Variants in TRPC6 observed in about 807,000 individuals in gnomAD.
TRPC6 encodes the protein transient receptor potential cation channel subfamily C member 6, also known as short transient receptor potential channel 6.
In TRPC6, 55 loss-of-function variants were observed where a neutral mutation model predicts 90.7. The ratio of observed to expected loss-of-function variants is 0.61; its 90% CI spans 0.49 to 0.76. TRPC6 has a LOEUF of 0.76. Ranked by LOEUF, TRPC6 falls within the 30% of genes least tolerant of loss-of-function variation. TRPC6 has a pLI of 0.00. For synonymous variants in TRPC6, 393 were observed against 393.0 expected, an observed-to-expected ratio of 1.00 and a Z score of 0.00; for missense variants, 989 against 1,122.7, an observed-to-expected ratio of 0.88 and a Z score of 1.70.
At chr11:101,489,362 A>G (rs1343472792) in intron 3 of TRPC6, among the ~76,000 whole-genome samples, 1 of 141,782 alleles carries the variant, frequency 7.1e-6, no homozygotes, top group Non-Finnish European at 1.5e-5. Flanking sequence ...AAAAATTTTA[A>G]TTGAATATTA....
chr11:101,553,125 G>C (rs1214613923), intron 1 of TRPC6, among the ~76,000 whole-genome samples: 1 of 152,068 alleles, frequency 6.6e-6, no homozygotes, highest in African/African-American at 2.4e-5. Flanking sequence ...TGTAATCAAA[G>C]AATCAGTGCC....
In TRPC6 at chr11:101,583,674, C is replaced by G; in HGVS notation, c.-171G>C. On this transcript the variant is annotated 5_prime_UTR_variant, in exon 1 of 13. Coordinates refer to ENST00000344327, the MANE Select transcript of TRPC6 (RefSeq NM_004621.6). ...GTGCAGACGCCCGCCGCAAGTGGCTCGCCCACTGGCCCGGGGAAAAGTCAC... is the reference window on the plus strand; with the variant it reads ...GTGCAGACGCCCGCCGCAAGTGGCTGGCCCACTGGCCCGGGGAAAAGTCAC... 1.6e-6 allele frequency: 1 copy of G among 621,708 alleles called. No individual in the cohort carries two copies. Among genetic ancestry groups the G allele is most frequent in the Non-Finnish European group, 2.5e-6 (1 of 400,638 alleles). 38.5% of individuals were successfully genotyped at this position (621,708 alleles called of 1,614,324 possible).
At chr11:101,453,783 A>C (rs1253329527) in intron 11 of TRPC6, 58 bp from the exon 12 acceptor site, 4 of 1,525,782 alleles carry the variant, frequency 2.6e-6, no homozygotes, top group Non-Finnish European at 2.7e-6. Context: ...CAAATCTCTC[A>C]TTTGGAACAA....
chr11:101,547,953 A>T (rs916773816), intron 1 of TRPC6, among the ~76,000 whole-genome samples: 3 of 152,164 alleles, frequency 2.0e-5, no homozygotes, highest in African/African-American at 7.2e-5. Context: ...ATGTCAATAC[A>T]TATGCTGCAA....
chr11:101,496,752 G>A (rs1379580611), intron 2 of TRPC6, among the ~76,000 whole-genome samples: 1 of 152,164 alleles, frequency 6.6e-6, no homozygotes, highest in Non-Finnish European at 1.5e-5. Flanking sequence ...GGCTGGGGTT[G>A]CTCATCAATC....
intron 10 of TRPC6, among the ~76,000 whole-genome samples, chr11:101,459,305 G>C (rs1411776681): frequency 6.6e-6 from 1 of 152,188 alleles, no homozygotes; most frequent in Non-Finnish European, 1.5e-5. Flanking sequence ...ACCTGTGAAA[G>C]GGGGAGAGGT....
intron 1 of TRPC6, among the ~76,000 whole-genome samples, chr11:101,535,056 C>T (rs959344028): frequency 4.6e-5 from 7 of 152,094 alleles, no homozygotes; most frequent in African/African-American, 1.2e-4. Flanking sequence ...ATCCCAACTA[C>T]TCAGGAGGCT....
chr11:101,551,804 T>C (rs756117000), intron 1 of TRPC6, among the ~76,000 whole-genome samples: 12 of 152,122 alleles, frequency 7.9e-5, no homozygotes, highest in Admixed American at 3.3e-4. Context: ...CATTGGAAGA[T>C]AGAATGTCTC....
chr11:101,511,919 G>A (rs979947891), intron 1 of TRPC6, among the ~76,000 whole-genome samples: 3 of 152,086 alleles, frequency 2.0e-5, no homozygotes, highest in Admixed American at 1.3e-4. Context: ...CTTGAATCCA[G>A]GAGGCAGAGG....
chr11:101,570,324 T>TAGAG (rs1861932655), intron 1 of TRPC6, among the ~76,000 whole-genome samples: 1 of 152,070 alleles, frequency 6.6e-6, no homozygotes, highest in South Asian at 2.1e-4. Context: ...CTAATCCAGG[T>TAGAG]AGAGGTCAAA....
chr11:101,495,963 T>C (rs1172599177), intron 2 of TRPC6, among the ~76,000 whole-genome samples: 1 of 152,130 alleles, frequency 6.6e-6, no homozygotes, highest in Non-Finnish European at 1.5e-5. Flanking sequence ...AAAAGAGGTT[T>C]AATTGGCTCA....
intron 1 of TRPC6, among the ~76,000 whole-genome samples, chr11:101,553,623 G>A (rs929426403): frequency 6.6e-6 from 1 of 152,106 alleles, no homozygotes; most frequent in African/African-American, 2.4e-5. Context: ...GTTTCTAATA[G>A]TTTCCAGCTT....
At chr11:101,506,826 C>T (rs889027401) in intron 1 of TRPC6, among the ~76,000 whole-genome samples, 1 of 151,858 alleles carries the variant, frequency 6.6e-6, no homozygotes, top group African/African-American at 2.4e-5. Flanking sequence ...TTAGTTTATT[C>T]TATGTCTTGA....
intron 1 of TRPC6, among the ~76,000 whole-genome samples, chr11:101,533,083 G>A (rs759417265): frequency 6.6e-6 from 1 of 152,132 alleles, no homozygotes; most frequent in South Asian, 2.1e-4. Context: ...TGAGAATATA[G>A]AAAATGAACA....
intron 1 of TRPC6, among the ~76,000 whole-genome samples, chr11:101,579,958 C>T (rs897487133): frequency 6.6e-6 from 1 of 152,082 alleles, no homozygotes; most frequent in Non-Finnish European, 1.5e-5. Context: ...CTTTTAATGT[C>T]TTTGTTCTTA....
At chr11:101,551,253 T>C (rs1591130264) in intron 1 of TRPC6, among the ~76,000 whole-genome samples, 2 of 152,106 alleles carry the variant, frequency 1.3e-5, no homozygotes, top group Non-Finnish European at 2.9e-5. Flanking sequence ...AACTATTAAA[T>C]GAATTCAAAG....
chr11:101,504,891 A>G, intron 1 of TRPC6, 93 bp from the exon 2 acceptor site: 4 of 1,395,070 alleles, frequency 2.9e-6, no homozygotes, highest in African/African-American at 1.4e-5. Context: ...ATCCTCAAGT[A>G]TATTAGATGT....
At chr11:101,470,810 C>T (rs1253745149) in intron 9 of TRPC6, among the ~76,000 whole-genome samples, 2 of 90,544 alleles carry the variant, frequency 2.2e-5, no homozygotes, top group South Asian at 5.1e-4. Context: ...TTGCCCCGCC[C>T]CCCCCCCCTC....
intron 1 of TRPC6, among the ~76,000 whole-genome samples, chr11:101,555,858 C>G (rs145505510): frequency 6.6e-6 from 1 of 151,926 alleles, no homozygotes; most frequent in African/African-American, 2.4e-5. Context: ...TGTTAGGGCA[C>G]GAAATACACC....
Sources: allele counts gnomAD v4.1 joint callset (sites outside exome capture counted in the v4.1 genomes callset), GRCh38; gene constraint gnomAD v4.1.1; transcripts MANE v1.5; gene names NCBI Gene and HGNC (gene_info 2026-07-23, HGNC 2026-07-21).